Variants in CLEC2D observed in about 807,000 individuals in gnomAD.
The protein encoded by CLEC2D is C-type lectin related f.
CLEC2D carries 16 observed loss-of-function variants against 20.0 expected under a neutral mutation model. The ratio of observed to expected loss-of-function variants is 0.80; its 90% CI spans 0.54 to 1.22. CLEC2D has a LOEUF of 1.22. CLEC2D is among the 50% of genes most tolerant of loss of function. The pLI, the probability that CLEC2D is intolerant of heterozygous loss-of-function variation, is 0.00. For synonymous variants in CLEC2D, 77 were observed against 71.1 expected, an observed-to-expected ratio of 1.08 and a Z score of -0.42; for missense variants, 207 against 221.5, an observed-to-expected ratio of 0.93 and a Z score of 0.42.
In CLEC2D at chr12:9,697,019, C is replaced by CAT. The variant is rs1435453052; in HGVS notation, c.*2146_*2147dup. ...AATTGTCATATATATAAAACACACA[C>CAT]ATTATATACATACATACATATATAT... On this transcript the variant is annotated 3_prime_UTR_variant, in exon 5 of 5. Coordinates refer to ENST00000290855, the MANE Select transcript of CLEC2D (RefSeq NM_013269.6). 3.2e-5 allele frequency: 4 copies of CAT among 123,840 alleles called. No individual in the cohort carries two copies. The highest frequency in any genetic ancestry group is 1.3e-4 in the African/African-American group (4 of 31,660). The allele number at this position is 123,840 out of a possible 1,614,324, so 7.7% of individuals were successfully genotyped here.
intron 3 of CLEC2D, among the ~76,000 whole-genome samples, chr12:9,689,932 G>A (rs2120965441): frequency 6.6e-6 from 1 of 152,122 alleles, no homozygotes; most frequent in East Asian, 1.9e-4. Context: ...AGAAAGAGAA[G>A]CAGAGAAATA....
Position 9,687,207 on chromosome 12 carries a change from A to G in CLEC2D, c.173-695A>G, listed in dbSNP as rs751739969. Among the ~76,000 whole-genome samples the G allele has an allele frequency of 5.3e-5, 8 of 152,322 alleles. No homozygotes were observed. The East Asian group carries it at 1.5e-3, about 29-fold the overall frequency. ...GTAGAATCAGTGGGAACCCTGAGCT[A>G]GTTTTTCTGAAAGTAGATGGTACCA... On this transcript the variant is annotated intron_variant, in intron 2 of 4. Coordinates refer to ENST00000290855, the MANE Select transcript of CLEC2D (RefSeq NM_013269.6).
chr12:9,684,221 A>T (rs1330041472), intron 2 of CLEC2D, among the ~76,000 whole-genome samples: 2 of 152,152 alleles, frequency 1.3e-5, no homozygotes, highest in Admixed American at 6.5e-5. Flanking sequence ...TTGCACATTG[A>T]TTTCGTATCC....
chr12:9,671,484 T>A (rs1259745486), intron 1 of CLEC2D, among the ~76,000 whole-genome samples: 1 of 152,070 alleles, frequency 6.6e-6, no homozygotes, highest in African/African-American at 2.4e-5. Flanking sequence ...CCTCCCAAAC[T>A]GCTGGGATTA....
intron 3 of CLEC2D, among the ~76,000 whole-genome samples, chr12:9,691,651 A>G (rs1264182188): frequency 1.3e-5 from 2 of 152,230 alleles, no homozygotes; most frequent in Non-Finnish European, 2.9e-5. Context: ...CCGCTCTTCA[A>G]CAGCCATTGG....
At chr12:9,683,537 G>C (rs4763268) in intron 2 of CLEC2D, among the ~76,000 whole-genome samples, 133,701 of 152,016 alleles carry the variant, frequency 0.88, 58,983 homozygotes, top group East Asian at 0.97. Flanking sequence ...TCCATCTTGA[G>C]CTAATTTTTG....
intron 2 of CLEC2D, among the ~76,000 whole-genome samples, chr12:9,682,181 TTTTC>T (rs1486324831): frequency 1.3e-5 from 2 of 152,212 alleles, no homozygotes; most frequent in African/African-American, 2.4e-5. Flanking sequence ...AATCTGGTCA[TTTTC>T]TTTCTTTCTT....
At chr12:9,693,070 T>C (rs1865900262) in intron 4 of CLEC2D, 139 bp downstream of exon 4, 1 of 1,613,954 alleles carries the variant, frequency 6.2e-7, no homozygotes, top group African/African-American at 1.3e-5. Flanking sequence ...ACTTGTATGT[T>C]GCAAAGGTTT....
intron 1 of CLEC2D, among the ~76,000 whole-genome samples, chr12:9,672,970 T>C (rs1865453218): frequency 6.6e-6 from 1 of 152,114 alleles, no homozygotes; most frequent in Non-Finnish European, 1.5e-5. Flanking sequence ...CTGTAATCTT[T>C]TATCATGCTT....
Position 9,699,447 on chromosome 12 carries a change from G to A in CLEC2D, c.*4573G>A, listed in dbSNP as rs2121011015. 1 of 152,110 alleles carries A rather than the reference G, an allele frequency of 6.6e-6. No homozygotes were observed. Among genetic ancestry groups the A allele is most frequent in the East Asian group, 1.9e-4 (1 of 5,180 alleles). 9.4% of individuals were successfully genotyped at this position (152,110 alleles called of 1,614,324 possible). On this transcript the variant is annotated 3_prime_UTR_variant, in exon 5 of 5. Transcript: ENST00000290855. ...AATTTCAAGCTTGAGTAATGTTCAT[G>A]CCTGCTTTTCATTGAAATAGAATGA...
At chr12:9,693,082 A>C in intron 4 of CLEC2D, 151 bp downstream of exon 4, 1 of 1,613,918 alleles carries the variant, frequency 6.2e-7, no homozygotes, top group Non-Finnish European at 8.5e-7. Context: ...CAAAGGTTTC[A>C]CAAGTTCCTC....
chr12:9,698,060 ATC>A lies in CLEC2D; in HGVS notation c.*3188_*3189del, dbSNP rs1297088275. The A allele has an allele frequency of 2.0e-5, 3 of 152,218 alleles. No individual in the cohort carries two copies. The highest frequency in any genetic ancestry group is 4.4e-5 in the Non-Finnish European group (3 of 68,034). The allele number at this position is 152,218 out of a possible 1,614,324, so 9.4% of individuals were successfully genotyped here. A position where few individuals can be genotyped will look rare whatever the true frequency, so the allele number is the denominator to read the frequency against. On this transcript the variant is annotated 3_prime_UTR_variant, in exon 5 of 5. Transcript: ENST00000290855. Reference sequence around the variant, plus strand: ...ATTGGGAGATACATGATAAATTTCTATCTGCAGTTGCTATTTGCATTTTTAAA... The same window carrying A: ...ATTGGGAGATACATGATAAATTTCTATGCAGTTGCTATTTGCATTTTTAAA...
At chr12:9,693,022 T>G (rs771780259) in intron 4 of CLEC2D, 91 bp downstream of exon 4, 19 of 1,611,692 alleles carry the variant, frequency 1.2e-5, no homozygotes, top group East Asian at 4.5e-5. Context: ...TTTAAAAAAT[T>G]CTCATTTTAA....
intron 3 of CLEC2D, among the ~76,000 whole-genome samples, chr12:9,692,017 A>T (rs1334101225): frequency 8.5e-5 from 13 of 152,232 alleles, no homozygotes; most frequent in Non-Finnish European, 8.8e-5. Context: ...AAGGAAACAC[A>T]GCAAAGGAAA....
At chr12:9,672,569 T>C (rs746594110) in intron 1 of CLEC2D, among the ~76,000 whole-genome samples, 5 of 152,290 alleles carry the variant, frequency 3.3e-5, no homozygotes, top group South Asian at 2.1e-4. Flanking sequence ...AAGTATCTTA[T>C]TGGGGTTCTC....
Position 9,698,308 on chromosome 12 carries a change from C to CAAT in CLEC2D, c.*3436_*3438dup, listed in dbSNP as rs1866049007. The CAAT allele has an allele frequency of 6.6e-6, 1 of 152,148 alleles. No individual in the cohort carries two copies. The highest frequency in any genetic ancestry group is 1.5e-5 in the Non-Finnish European group (1 of 68,020). The allele number at this position is 152,148 out of a possible 1,614,324, so 9.4% of individuals were successfully genotyped here. A position where few individuals can be genotyped will look rare whatever the true frequency, so the allele number is the denominator to read the frequency against. ...TATTAACTATAGTCACTATGCTGTG[C>CAAT]AATAGATCTCAAAAGCTTATTCCTC... On this transcript the variant is annotated 3_prime_UTR_variant, in exon 5 of 5. Coordinates refer to ENST00000290855, the MANE Select transcript of CLEC2D (RefSeq NM_013269.6).
chr12:9,683,859 C>A (rs911204141), intron 2 of CLEC2D, among the ~76,000 whole-genome samples: 4 of 148,476 alleles, frequency 2.7e-5, no homozygotes, highest in Non-Finnish European at 6.0e-5. Context: ...TATACAGGCT[C>A]TTTTTTGGTT....
At position 9,691,033 on chromosome 12, in the gene CLEC2D, T is replaced by C. The variant is rs79451076; in HGVS notation, c.358-1795T>C. Among the ~76,000 whole-genome samples the C allele has an allele frequency of 3.2e-3, 484 of 152,196 alleles. 4 individuals carry two copies. The highest frequency in any genetic ancestry group is 0.011 in the African/African-American group (461 of 41,562). ...ACATGCTGTCTATAAGAGACTTGCC[T>C]TAGATATAAGGACACAAAGAAGTTG... On this transcript the variant is annotated intron_variant, in intron 3 of 4. Coordinates refer to ENST00000290855, the MANE Select transcript of CLEC2D (RefSeq NM_013269.6).
chr12:9,694,798 A>G lies in CLEC2D; in HGVS notation c.500A>G (p.Asn167Ser). 1.2e-6 allele frequency: 2 copies of G among 1,613,110 alleles called. No homozygotes were observed. Among genetic ancestry groups the G allele is most frequent in the Non-Finnish European group, 1.7e-6 (2 of 1,179,202 alleles). The change falls in exon 5 of 5, where the codon AAT becomes AGT. Residue 167 changes from asparagine (N) to serine (S), a missense_variant. Transcript: ENST00000290855. ...GGAGCAGGAGAGTGTGCCTATTTGA[A>G]TGACAAAGGTGCCAGTAGTGCCAGG... ...ILGAGECAYL[N>S]DKGASSARHY...
Sources: gnomAD v4.1 joint callset for allele counts (sites outside exome capture counted in the v4.1 genomes callset) on GRCh38, gnomAD v4.1.1 for gene constraint, MANE v1.5 for transcripts, NCBI Gene and HGNC (gene_info 2026-07-23, HGNC 2026-07-21) for gene names.